DGKK: variants seen among roughly 807,000 people sequenced by gnomAD.
DGKK encodes the protein 142 kDa diacylglycerol kinase.
Under a neutral mutation model 92.2 loss-of-function variants are expected in DGKK, and 35 were observed. The ratio of observed to expected loss-of-function variants is 0.38; its 90% CI spans 0.29 to 0.50. The LOEUF (loss-of-function observed/expected upper bound fraction) is 0.50, where lower values mean the gene tolerates loss of function less well. Among genes scored for constraint, DGKK ranks in the 20% least tolerant of loss-of-function variants. The probability of loss-of-function intolerance (pLI) is 0.92; values close to 1 mark genes in which losing one functional copy is unlikely to be tolerated. For missense variants in DGKK, 910 were observed against 992.2 expected (o/e 0.92, Z 1.11); for synonymous variants, 368 against 360.6 (o/e 1.02, Z -0.23).
Position 50,391,188 on chromosome X carries a change from G to A in DGKK, c.1844+249C>T, listed in dbSNP as rs188540130. ...ACTGGAATGCATTGGCATGATCATG[G>A]CCCACTGCAGCCTTAACTTCCCAGT... On this transcript the variant is annotated intron_variant, in intron 11 of 27. Transcript: ENST00000611977. Among the ~76,000 whole-genome samples, 201 of 111,038 alleles carry A rather than the reference G, an allele frequency of 1.8e-3. 1 individual carries two copies. Among genetic ancestry groups the A allele is most frequent in the African/African-American group, 6.3e-3 (192 of 30,499 alleles).
intron 1 of DGKK, among the ~76,000 whole-genome samples, chrX:50,454,367 T>C (rs1267463146): frequency 9.0e-6 from 1 of 111,332 alleles, no homozygotes; most frequent in Non-Finnish European, 1.9e-5. Context: ...GATTTTAGAT[T>C]ATCATTGCCT....
Position 50,447,373 on chromosome X carries a change from ATATATATATAATATATATATAT to A in DGKK, c.645+22639_645+22660del, listed in dbSNP as rs1557232054. ...TATATATATAATATATATATATTAT[ATATATATATAATATATATATAT>A]TATATATATATATAATATATATATA... On this transcript the variant is annotated intron_variant, in intron 1 of 27. Transcript: ENST00000611977. 3.0e-3 allele frequency among the ~76,000 whole-genome samples: 40 copies of A among 13,319 alleles called. 4 individuals carry two copies. In the African/African-American group the frequency reaches 0.034, roughly 11 times the overall value. The allele number at this position is 13,319 out of a possible 115,157, so 11.6% of individuals were successfully genotyped here.
chrX:50,447,405 A>C (rs1926383632), intron 1 of DGKK, among the ~76,000 whole-genome samples: 3 of 44,463 alleles, frequency 6.7e-5, no homozygotes, highest in African/African-American at 2.7e-4. Context: ...TTATATATAT[A>C]TATAATATAT....
chrX:50,379,779 A>C, intron 19 of DGKK, 45 bp from the exon 20 acceptor site: 1 of 1,052,367 alleles, frequency 9.5e-7, no homozygotes, highest in Non-Finnish European at 1.3e-6. Context: ...TTTAGATAGC[A>C]ACATGAAGGA....
intron 1 of DGKK, among the ~76,000 whole-genome samples, chrX:50,430,018 C>T (rs1467586853): frequency 1.8e-5 from 2 of 112,099 alleles, no homozygotes; most frequent in Non-Finnish European, 3.8e-5. Context: ...GTGGCTTGCC[C>T]GAGGAAATAG....
chrX:50,425,542 T>TACAC (rs782565110), intron 1 of DGKK, among the ~76,000 whole-genome samples: 2 of 104,309 alleles, frequency 1.9e-5, no homozygotes, highest in East Asian at 2.9e-4. Flanking sequence ...CACACACACA[T>TACAC]ACACACACAC....
chrX:50,372,708 T>C (rs1450157249), intron 25 of DGKK, among the ~76,000 whole-genome samples: 1 of 112,246 alleles, frequency 8.9e-6, no homozygotes, highest in Non-Finnish European at 1.9e-5. Flanking sequence ...ATGGATTCTT[T>C]TGGGACCATC....
chrX:50,445,685 C>A (rs1406570085), intron 1 of DGKK, among the ~76,000 whole-genome samples: 1 of 110,972 alleles, frequency 9.0e-6, no homozygotes, highest in Non-Finnish European at 1.9e-5. Context: ...TTACTGTAGC[C>A]CTTTAGTAAA....
At chrX:50,447,369 TTATATATATATATAATATATATATATTA>T (rs1926363015) in intron 1 of DGKK, among the ~76,000 whole-genome samples, 1 of 11,630 alleles carries the variant, frequency 8.6e-5, no homozygotes, top group Non-Finnish European at 1.1e-4. Flanking sequence ...TATATATATA[TTATATATATATATAATATATATATATTA>T]TATATATATA....
intron 1 of DGKK, among the ~76,000 whole-genome samples, chrX:50,440,883 G>A: frequency 8.9e-6 from 1 of 111,938 alleles, no homozygotes; most frequent in Non-Finnish European, 1.9e-5. Flanking sequence ...CTTTTAATGT[G>A]GGGAAGTGAG....
intron 4 of DGKK, among the ~76,000 whole-genome samples, chrX:50,409,051 T>C (rs984460067): frequency 9.0e-6 from 1 of 111,578 alleles, no homozygotes; most frequent in Non-Finnish European, 1.9e-5. Flanking sequence ...TGTGATTCTA[T>C]ATGGAAGTAG....
chrX:50,379,836 TG>T (rs1334034979), intron 19 of DGKK, 102 bp from the exon 20 acceptor site: 7 of 912,343 alleles, frequency 7.7e-6, no homozygotes, highest in Non-Finnish European at 9.5e-6. Context: ...TTCCATTACA[TG>T]GAAATCTATC....
rs782766230 is a variant in DGKK, at chrX:50,403,083, C to T, written c.1286G>A (p.Arg429His). The change falls in exon 7 of 28, where the codon CGC becomes CAC. Residue 429 changes from arginine to histidine, a missense_variant. Coordinates refer to ENST00000611977, the MANE Select transcript of DGKK (RefSeq NM_001013742.4). ...CGSYQRLQDFRCLWCNSTVHD... is the reference protein window; with the variant it reads ...CGSYQRLQDFHCLWCNSTVHD... ...TACCGTAGAATTACACCACAGGCAG[C>T]GGAAGTCTTGAAGTCTTTGATAACT... The T allele has an allele frequency of 1.2e-5, 14 of 1,208,767 alleles. No homozygotes were observed. The highest frequency in any genetic ancestry group is 2.3e-4 in the Middle Eastern group (1 of 4,362).
At chrX:50,435,440 G>A (rs1557230674) in intron 1 of DGKK, among the ~76,000 whole-genome samples, 1 of 112,360 alleles carries the variant, frequency 8.9e-6, no homozygotes, top group Non-Finnish European at 1.9e-5. Flanking sequence ...CATGCAGACA[G>A]ACATCTGAAG....
At chrX:50,430,910 A>G (rs1925868382) in intron 1 of DGKK, among the ~76,000 whole-genome samples, 1 of 111,632 alleles carries the variant, frequency 9.0e-6, no homozygotes, top group African/African-American at 3.3e-5. Context: ...CCTGTATATA[A>G]TTAACACCCC....
chrX:50,408,519 C>T (rs1161580065), intron 4 of DGKK, among the ~76,000 whole-genome samples: 1 of 110,858 alleles, frequency 9.0e-6, no homozygotes, highest in Non-Finnish European at 1.9e-5. Flanking sequence ...GCTGGGACTA[C>T]AGGCGCCCGC....
At position 50,470,277 on chromosome X, in the gene DGKK, G is replaced by A. The variant is rs782560055; in HGVS notation, c.402C>T (p.Val134=). Residue 134 remains valine, a synonymous_variant, in exon 1 of 28, where the codon GTC becomes GTT. Transcript: ENST00000611977. ...GAGTCAGCTCTGGGGCCGGCTCTGG[G>A]ACCGACTCTAGGGCAGGTTCTGGAG... ...EPTPEPALES[V]PEPAPELTPE... 2.2e-5 allele frequency: 27 copies of A among 1,208,373 alleles called. No homozygotes were observed. Among genetic ancestry groups the A allele is most frequent in the Admixed American group, 6.5e-5 (3 of 45,875 alleles).
chrX:50,379,956 A>G, intron 19 of DGKK, 25 bp downstream of exon 19: 2 of 1,193,356 alleles, frequency 1.7e-6, no homozygotes, highest in South Asian at 1.8e-5. Flanking sequence ...CATACCCAGG[A>G]AAGACTACCC....
chrX:50,410,360 G>A (rs1489241410), intron 4 of DGKK, among the ~76,000 whole-genome samples: 5 of 111,925 alleles, frequency 4.5e-5, no homozygotes, highest in Admixed American at 1.9e-4. Flanking sequence ...ACATGTTACT[G>A]GACAATAAAG....
Sources: allele counts gnomAD v4.1 joint callset (sites outside exome capture counted in the v4.1 genomes callset), GRCh38; gene constraint gnomAD v4.1.1; transcripts MANE v1.5; gene names NCBI Gene and HGNC (gene_info 2026-07-23, HGNC 2026-07-21).